Variants in RBFOX1 observed in about 807,000 individuals in gnomAD.
RBFOX1 encodes the protein RNA binding fox-1 homolog 1.
Under a neutral mutation model 57.7 loss-of-function variants are expected in RBFOX1, and 8 were observed. The observed-to-expected ratio is 0.14, with a 90% CI of 0.08 to 0.25. RBFOX1 has a LOEUF of 0.25. Ranked by LOEUF, RBFOX1 falls within the 10% of genes least tolerant of loss-of-function variation. RBFOX1 has a pLI of 1.00. For synonymous variants in RBFOX1, 326 were observed against 222.4 expected, an observed-to-expected ratio of 1.47 and a Z score of -4.15; for missense variants, 611 against 548.5, an observed-to-expected ratio of 1.11 and a Z score of -1.14.
intron 2 of RBFOX1, among the ~76,000 whole-genome samples, chr16:6,384,266 T>C (rs7201119): frequency 0.012 from 1,757 of 152,300 alleles, 45 homozygotes; most frequent in African/African-American, 0.04. Context: ...ATTTCAGCAA[T>C]GAATCCTGTT....
intron 4 of RBFOX1, among the ~76,000 whole-genome samples, chr16:7,056,708 G>A (rs1217944857): frequency 6.6e-6 from 1 of 152,116 alleles, no homozygotes; most frequent in Non-Finnish European, 1.5e-5. Context: ...GATTACAAAG[G>A]GATCTTTGTG....
intron 4 of RBFOX1, among the ~76,000 whole-genome samples, chr16:7,205,286 G>C (rs1261699354): frequency 6.6e-6 from 1 of 152,130 alleles, no homozygotes; most frequent in African/African-American, 2.4e-5. Context: ...GGGAGGCTGA[G>C]GCAGGCAGAT....
chr16:7,285,336 C>G (rs1023965905), intron 4 of RBFOX1, among the ~76,000 whole-genome samples: 1 of 151,210 alleles, frequency 6.6e-6, no homozygotes, highest in Non-Finnish European at 1.5e-5. Flanking sequence ...TTGGTACAAC[C>G]CAGTGATTTT....
intron 5 of RBFOX1, among the ~76,000 whole-genome samples, chr16:7,573,067 G>A (rs763299767): frequency 6.6e-6 from 1 of 152,134 alleles, no homozygotes; most frequent in African/African-American, 2.4e-5. Flanking sequence ...CAGTGGTCAA[G>A]GGGAGAGAGA....
At chr16:6,531,753 A>C (rs999757549) in intron 2 of RBFOX1, among the ~76,000 whole-genome samples, 1 of 152,154 alleles carries the variant, frequency 6.6e-6, no homozygotes, top group Admixed American at 6.5e-5. Context: ...AAGGGATTAC[A>C]TGAGAACAAA....
At chr16:6,177,186 G>GTT (rs569428293) in intron 1 of RBFOX1, among the ~76,000 whole-genome samples, 36 of 128,628 alleles carry the variant, frequency 2.8e-4, no homozygotes, top group Admixed American at 7.7e-4. Flanking sequence ...TTTCTTGTTT[G>GTT]TTTTTTTTTT....
intron 3 of RBFOX1, among the ~76,000 whole-genome samples, chr16:6,655,374 A>T (rs2098641388): frequency 2.1e-5 from 1 of 48,430 alleles, no homozygotes; most frequent in East Asian, 5.4e-4. Context: ...CCTCCGTTTC[A>T]AAAAAAAAAA....
Position 6,247,836 on chromosome 16 carries a change from C to G in RBFOX1, c.-126-69159C>G, listed in dbSNP as rs186602905. ...AGAGAAAATTCTTTCCTAGCTCTGC[C>G]TTATTTCTCTGGCTCTGATGATAGG... On this transcript the variant is annotated intron_variant, in intron 1 of 15. Coordinates refer to ENST00000550418, the MANE Select transcript of RBFOX1 (RefSeq NM_018723.4). 7.6e-4 allele frequency among the ~76,000 whole-genome samples: 115 copies of G among 152,276 alleles called. 1 individual carries two copies. The highest frequency in any genetic ancestry group is 1.8e-4 in the Non-Finnish European group (12 of 68,026).
In RBFOX1 at chr16:6,144,672, C is replaced by T. The variant is rs182742508; in HGVS notation, c.-127+124680C>T. 5.6e-4 allele frequency among the ~76,000 whole-genome samples: 85 copies of T among 152,332 alleles called. 1 individual carries two copies. The highest frequency in any genetic ancestry group is 1.3e-3 in the African/African-American group (54 of 41,576). On this transcript the variant is annotated intron_variant, in intron 1 of 15. Transcript: ENST00000550418. ...CACATCAGTCTTCCGTGGAGAAGCA[C>T]GATGCTGTCAGCTTTTCTCATGAGC...
At chr16:5,509,869 C>G (rs1424613098) in intron 2 of RBFOX1, among the ~76,000 whole-genome samples, 9 of 152,150 alleles carry the variant, frequency 5.9e-5, no homozygotes, top group Admixed American at 5.2e-4. Flanking sequence ...AGATGGTGCC[C>G]AAGAACCTTG....
In RBFOX1 at chr16:6,593,908, A is replaced by G. The variant is rs188806047; in HGVS notation, c.-63-60695A>G. On this transcript the variant is annotated intron_variant, in intron 2 of 15. Coordinates refer to ENST00000550418, the MANE Select transcript of RBFOX1 (RefSeq NM_018723.4). ...AGTGCTTGTCTCTCATTGCCTAGCGATTTACTGGCATTGTAGACTCCACCC... is the reference window on the plus strand; with the variant it reads ...AGTGCTTGTCTCTCATTGCCTAGCGGTTTACTGGCATTGTAGACTCCACCC... Among the ~76,000 whole-genome samples the G allele has an allele frequency of 5.9e-5, 9 of 152,114 alleles. No homozygotes were observed. In the East Asian group the frequency reaches 1.7e-3, roughly 30 times the overall value.
chr16:6,061,937 A>C (rs538927610), intron 1 of RBFOX1, among the ~76,000 whole-genome samples: 16 of 152,268 alleles, frequency 1.1e-4, no homozygotes, highest in Admixed American at 6.5e-4. Context: ...CTCCAGTTGG[A>C]AGCCTCAGGT....
intron 3 of RBFOX1, among the ~76,000 whole-genome samples, chr16:5,845,442 T>G (rs747207505): frequency 9.9e-5 from 15 of 152,178 alleles, no homozygotes; most frequent in Non-Finnish European, 2.1e-4. Context: ...GTTTCAGATC[T>G]CAGTTTATTT....
chr16:6,926,236 G>A (rs144605636), intron 3 of RBFOX1, among the ~76,000 whole-genome samples: 2 of 152,160 alleles, frequency 1.3e-5, no homozygotes, highest in African/African-American at 2.4e-5. Context: ...GAACCTGGGA[G>A]GGGGAGGTTG....
chr16:7,121,461 C>G (rs1310466068), intron 4 of RBFOX1, among the ~76,000 whole-genome samples: 1 of 151,918 alleles, frequency 6.6e-6, no homozygotes, highest in Non-Finnish European at 1.5e-5. Context: ...TAAAAACAAA[C>G]CATTTACAAT....
chr16:7,540,839 G>T (rs939105619), intron 5 of RBFOX1, among the ~76,000 whole-genome samples: 3 of 152,324 alleles, frequency 2.0e-5, no homozygotes, highest in African/African-American at 7.2e-5. Context: ...CTAAGGCTCA[G>T]AGAAGTCTTA....
At chr16:6,607,175 A>G (rs1475881559) in intron 2 of RBFOX1, among the ~76,000 whole-genome samples, 3 of 152,210 alleles carry the variant, frequency 2.0e-5, no homozygotes, top group Non-Finnish European at 4.4e-5. Context: ...GTGGGTGAAC[A>G]GATGAGTGTT....
At chr16:6,080,758 G>A (rs1398377233) in intron 1 of RBFOX1, among the ~76,000 whole-genome samples, 1 of 152,272 alleles carries the variant, frequency 6.6e-6, no homozygotes, top group South Asian at 2.1e-4. Flanking sequence ...TTTAGGGAAA[G>A]TGTTGTTGAG....
intron 3 of RBFOX1, among the ~76,000 whole-genome samples, chr16:6,754,894 C>T (rs1425637294): frequency 6.6e-6 from 1 of 151,984 alleles, no homozygotes; most frequent in Non-Finnish European, 1.5e-5. Context: ...GTGATGTTCC[C>T]CTTGCTGTGT....
Sources: gnomAD v4.1 joint callset for allele counts (sites outside exome capture counted in the v4.1 genomes callset) on GRCh38, gnomAD v4.1.1 for gene constraint, MANE v1.5 for transcripts, NCBI Gene and HGNC (gene_info 2026-07-23, HGNC 2026-07-21) for gene names.